EPC1: variants seen among roughly 807,000 people sequenced by gnomAD.
EPC1 encodes enhancer of polycomb homolog 1.
In EPC1, 12 loss-of-function variants were observed where a neutral mutation model predicts 98.4. That is an observed-to-expected ratio of 0.12 (90% CI 0.08 to 0.20). The LOEUF is 0.20. Among genes scored for constraint, EPC1 ranks in the 10% least tolerant of loss-of-function variants. EPC1 has a pLI of 1.00. For synonymous variants in EPC1, 357 were observed against 363.9 expected (o/e 0.98, Z 0.21); for missense variants, 729 against 990.5 (o/e 0.74, Z 3.54).
exon 1 of EPC1, chr10:32,378,618 T>G: frequency 1.5e-6 from 1 of 664,688 alleles, no homozygotes; most frequent in South Asian, 2.5e-5. Flanking sequence ...TTAAAATGTT[T>G]GGTAAATAAA....
intron 1 of EPC1, among the ~76,000 whole-genome samples, chr10:32,360,577 C>G (rs1564566952): frequency 6.6e-6 from 1 of 152,136 alleles, no homozygotes; most frequent in Non-Finnish European, 1.5e-5. Context: ...TTACCATTTA[C>G]CAGCAGTAGG....
chr10:32,342,246 A>G (rs1018392524), intron 1 of EPC1, among the ~76,000 whole-genome samples: 3 of 152,204 alleles, frequency 2.0e-5, no homozygotes, highest in Non-Finnish European at 4.4e-5. Context: ...AGAAATCTAG[A>G]TTGATCTTTA....
chr10:32,318,173 T>C (rs1229088526), intron 1 of EPC1, among the ~76,000 whole-genome samples: 2 of 152,222 alleles, frequency 1.3e-5, no homozygotes. Context: ...CGCAATCTAA[T>C]TGAATCATTT....
rs534703894 is a variant in EPC1 at position 32,331,242 on chromosome 10, C to T, written c.153+15521G>A. Among the ~76,000 whole-genome samples, 35 of 151,792 alleles carry T rather than the reference C, an allele frequency of 2.3e-4. 1 individual carries two copies. The South Asian group carries it at 7.3e-3, about 32-fold the overall frequency. On this transcript the variant is annotated intron_variant, in intron 1 of 13. Transcript: ENST00000319778. ...TGGTGGGTGCCTGTAATTCCAGCTACTTGGGAGGCTGAGGCAGGAGAAGTG... is the reference window on the plus strand; with the variant it reads ...TGGTGGGTGCCTGTAATTCCAGCTATTTGGGAGGCTGAGGCAGGAGAAGTG...
chr10:32,365,530 T>C (rs1839573783), intron 1 of EPC1, among the ~76,000 whole-genome samples: 1 of 152,052 alleles, frequency 6.6e-6, no homozygotes, highest in South Asian at 2.1e-4. Context: ...AGAGTACATT[T>C]AGGCCGGGGA....
chr10:32,356,435 C>A (rs556184119), intron 1 of EPC1, among the ~76,000 whole-genome samples: 7 of 151,884 alleles, frequency 4.6e-5, no homozygotes, highest in Non-Finnish European at 1.0e-4. Context: ...GAGAGAGGAG[C>A]ATAGAGAATG....
chr10:32,330,154 C>T (rs1209988627), intron 1 of EPC1, among the ~76,000 whole-genome samples: 3 of 152,096 alleles, frequency 2.0e-5, no homozygotes, highest in African/African-American at 7.2e-5. Flanking sequence ...TTTCCTTTTT[C>T]AAAGGGCCAC....
Position 32,278,340 on chromosome 10 carries a change from C to T in EPC1, c.1745-5059G>A, listed in dbSNP as rs566019548. Among the ~76,000 whole-genome samples the T allele has an allele frequency of 7.7e-4, 116 of 150,302 alleles. 2 individuals carry two copies. The highest frequency in any genetic ancestry group is 3.6e-3 in the Middle Eastern group (1 of 274). ...TATAGGCGTGAACCACAGCACCTAG[C>T]CCCTCAAAATGTATACTTTGGTTTT... On this transcript the variant is annotated intron_variant, in intron 10 of 13. Transcript: ENST00000319778.
At chr10:32,340,288 CATATT>C (rs1356353721) in intron 1 of EPC1, among the ~76,000 whole-genome samples, 3 of 152,152 alleles carry the variant, frequency 2.0e-5, no homozygotes, top group Non-Finnish European at 2.9e-5. Flanking sequence ...CCTCAGATAA[CATATT>C]ATAGTAGATG....
intron 1 of EPC1, among the ~76,000 whole-genome samples, chr10:32,340,772 G>C (rs1487969029): frequency 6.6e-6 from 1 of 152,172 alleles, no homozygotes; most frequent in Admixed American, 6.5e-5. Context: ...TGCAGCTGCA[G>C]TGAGCTATGA....
intron 1 of EPC1, among the ~76,000 whole-genome samples, chr10:32,355,264 G>T (rs1839237689): frequency 1.3e-5 from 2 of 152,134 alleles, no homozygotes; most frequent in Non-Finnish European, 2.9e-5. Context: ...TTGGAGAAGT[G>T]GTGGGATGCG....
At chr10:32,345,973 T>C (rs1838755605) in intron 1 of EPC1, among the ~76,000 whole-genome samples, 2 of 152,172 alleles carry the variant, frequency 1.3e-5, no homozygotes, top group Admixed American at 1.3e-4. Context: ...CAAACAAATC[T>C]GCAAGATATT....
intron 1 of EPC1, among the ~76,000 whole-genome samples, chr10:32,319,163 T>C (rs1388386012): frequency 6.6e-6 from 1 of 152,178 alleles, no homozygotes; most frequent in Non-Finnish European, 1.5e-5. Context: ...AATGATTATG[T>C]AATACTATGG....
intron 1 of EPC1, among the ~76,000 whole-genome samples, chr10:32,354,803 C>T (rs35371532): frequency 0.11 from 16,223 of 152,016 alleles, 954 homozygotes; most frequent in Admixed American, 0.13. Context: ...AAGCTTCACC[C>T]GGCATTAGAT....
At chr10:32,302,165 C>T (rs896548124) in intron 2 of EPC1, among the ~76,000 whole-genome samples, 31 of 151,438 alleles carry the variant, frequency 2.0e-4, no homozygotes, top group Admixed American at 1.6e-3. Context: ...CCCAGCTACT[C>T]GGGAGGCTGA....
At position 32,291,261 on chromosome 10, in the gene EPC1, T is replaced by G; in HGVS notation, c.877A>C (p.Met293Leu). 2 of 1,614,054 alleles carry G rather than the reference T, an allele frequency of 1.2e-6. No homozygotes were observed. The highest frequency in any genetic ancestry group is 8.5e-7 in the Non-Finnish European group (1 of 1,179,940). Residue 293 changes from methionine (M) to leucine (L), a missense_variant, in exon 6 of 14, where the codon ATG becomes CTG. Transcript: ENST00000319778. ...MSEVMAQRQP[M>L]KPTYAIPIIP... The stretch of plus-strand genomic sequence containing the variant: ...ATGGGGATGGCATAAGTAGGTTTCA[T>G]TGGCTGTCTCTGTGCCATAACCTCA...
chr10:32,346,671 G>T, intron 1 of EPC1, 92 bp downstream of exon 1: 2 of 1,242,426 alleles, frequency 1.6e-6, no homozygotes, highest in Non-Finnish European at 2.3e-6. Context: ...GAAGATGGCG[G>T]CCATTTTGTG....
At chr10:32,328,858 G>A (rs1036450423) in intron 1 of EPC1, among the ~76,000 whole-genome samples, 1 of 152,318 alleles carries the variant, frequency 6.6e-6, no homozygotes, top group East Asian at 1.9e-4. Flanking sequence ...GGTGTGGCAG[G>A]AAGGTGGTTG....
At chr10:32,368,512 T>C (rs2505361) in intron 1 of EPC1, among the ~76,000 whole-genome samples, 81,464 of 152,102 alleles carry the variant, frequency 0.54, 23,727 homozygotes, top group East Asian at 0.69. Context: ...AAACTACCTT[T>C]TCCTTTATGG....
Sources: gnomAD v4.1 joint callset for allele counts (sites outside exome capture counted in the v4.1 genomes callset) on GRCh38, gnomAD v4.1.1 for gene constraint, MANE v1.5 for transcripts, NCBI Gene and HGNC (gene_info 2026-07-23, HGNC 2026-07-21) for gene names.